Variants in FASTKD2 observed in about 807,000 individuals in gnomAD.
FASTKD2 encodes FAST kinase domains 2, also known as FAST kinase domain-containing protein 2, mitochondrial.
A neutral mutation model predicts 63.6 loss-of-function variants in FASTKD2; 51 were observed. The observed-to-expected ratio is 0.80, with a 90% CI of 0.64 to 1.01. FASTKD2 has a LOEUF of 1.01. Among genes scored for constraint, FASTKD2 ranks in the 50% least tolerant of loss-of-function variants. The pLI is 0.00. For missense variants in FASTKD2, 786 were observed against 831.1 expected (o/e 0.95, Z 0.67); for synonymous variants, 284 against 293.4 (o/e 0.97, Z 0.33).
intron 7 of FASTKD2, among the ~76,000 whole-genome samples, chr2:206,775,292 G>C (rs1251683775): frequency 1.3e-5 from 2 of 150,552 alleles, no homozygotes; most frequent in South Asian, 4.2e-4. Context: ...ATCATACAGG[G>C]ATTCTGCTTT....
intron 7 of FASTKD2, among the ~76,000 whole-genome samples, chr2:206,785,084 G>T (rs1330733826): frequency 6.6e-6 from 1 of 152,156 alleles, no homozygotes; most frequent in Non-Finnish European, 1.5e-5. Context: ...ATCTCACAGG[G>T]CAGCAGACAA....
rs1690357183 is a variant in FASTKD2 at position 206,793,594 on chromosome 2, C to T, written c.*1792C>T. 6.6e-6 allele frequency among the ~76,000 whole-genome samples: 1 copy of T among 152,160 alleles called. No homozygotes were observed. The highest frequency in any genetic ancestry group is 1.5e-5 in the Non-Finnish European group (1 of 68,034). On this transcript the variant is annotated 3_prime_UTR_variant, in exon 12 of 12. Transcript: ENST00000402774. ...TGCAGATATTCTGTTATTAAAGGAA[C>T]TAAGGTTTTGTCTTTAAATGTTGAG... is the stretch of plus-strand genomic sequence containing the variant.
In FASTKD2 at chr2:206,792,780, G is replaced by A. The variant is rs990544746; in HGVS notation, c.*978G>A. ...ATTCATTTGTGTGCTGCCTTTTCAT[G>A]ATCTGAACCCTTTGAGGTGTAGCTG... On this transcript the variant is annotated 3_prime_UTR_variant, in exon 12 of 12. Coordinates refer to ENST00000402774, the MANE Select transcript of FASTKD2 (RefSeq NM_001136193.2). Among the ~76,000 whole-genome samples, 1 of 152,102 alleles carries A rather than the reference G, an allele frequency of 6.6e-6. No individual in the cohort carries two copies. The highest frequency in any genetic ancestry group is 2.4e-5 in the African/African-American group (1 of 41,404).
rs1023185057 is a variant in FASTKD2 at position 206,786,798 on chromosome 2, T to C, written c.1493T>C (p.Leu498Ser). Reference sequence around the variant, plus strand: ...CTTCACACTATTTCTTCTGAAAACTTATTGGATGCAGTATATTCATTTTGC... The same window carrying C: ...CTTCACACTATTTCTTCTGAAAACTCATTGGATGCAGTATATTCATTTTGC... ...GYLHTISSEN[L>S]LDAVYSFCLM... The change falls in exon 8 of 12, where the codon TTA (leucine) becomes TCA (serine). Residue 498 changes from leucine (L) to serine (S), a missense_variant. Leu to Ser is a moderately radical substitution (Grantham distance 145). Coordinates refer to ENST00000402774, the MANE Select transcript of FASTKD2 (RefSeq NM_001136193.2). 2 of 1,613,452 alleles carry C rather than the reference T, an allele frequency of 1.2e-6. No individual in the cohort carries two copies. The highest frequency in any genetic ancestry group is 1.7e-6 in the Non-Finnish European group (2 of 1,179,494).
At chr2:206,779,935 G>C (rs1230448330) in intron 7 of FASTKD2, among the ~76,000 whole-genome samples, 1 of 151,904 alleles carries the variant, frequency 6.6e-6, no homozygotes, top group Admixed American at 6.6e-5. Flanking sequence ...GGTTACCATG[G>C]GTCTTACATA....
In FASTKD2 at chr2:206,793,539, TG is replaced by T. The variant is rs1690355788; in HGVS notation, c.*1738del. 6.6e-6 allele frequency among the ~76,000 whole-genome samples: 1 copy of T among 152,146 alleles called. No individual in the cohort carries two copies. Among genetic ancestry groups the T allele is most frequent in the South Asian group, 2.1e-4 (1 of 4,830 alleles). ...CTCTAGTTTTGTATACTTGGCCAAG[TG>T]ATTTAACCTTATAAGCTTCAGAACA... On this transcript the variant is annotated 3_prime_UTR_variant, in exon 12 of 12. Transcript: ENST00000402774.
intron 2 of FASTKD2, 33 bp from the exon 3 acceptor site, chr2:206,770,058 A>G (rs770907861): frequency 2.2e-6 from 3 of 1,342,952 alleles, no homozygotes; most frequent in African/African-American, 2.9e-5. Flanking sequence ...TGGGCTCATC[A>G]CCTGTAGTGT....
chr2:206,786,962 A>G (rs1574674382), intron 8 of FASTKD2, 63 bp downstream of exon 8: 4 of 996,040 alleles, frequency 4.0e-6, no homozygotes, highest in Admixed American at 4.0e-5. Flanking sequence ...ACTAGCTACC[A>G]TATGACTCTG....
At chr2:206,775,021 T>G (rs1689785334) in intron 7 of FASTKD2, among the ~76,000 whole-genome samples, 1 of 152,072 alleles carries the variant, frequency 6.6e-6, no homozygotes, top group African/African-American at 2.4e-5. Context: ...TATGACTAGC[T>G]TATTTCAGTT....
intron 7 of FASTKD2, among the ~76,000 whole-genome samples, chr2:206,776,192 G>C (rs866963347): frequency 1.3e-5 from 2 of 151,296 alleles, no homozygotes; most frequent in African/African-American, 4.8e-5. Context: ...AAAACTTAAA[G>C]CATTAAGTTT....
intron 7 of FASTKD2, among the ~76,000 whole-genome samples, chr2:206,784,411 C>T (rs1205028414): frequency 6.6e-6 from 1 of 152,194 alleles, no homozygotes; most frequent in East Asian, 1.9e-4. Context: ...GGAATTCTGG[C>T]TTATTGTATA....
chr2:206,786,734 C>A lies in FASTKD2; in HGVS notation c.1429C>A (p.Gln477Lys). ...AACTGACTTTTCTTTGTTCCCCAGA[C>A]AGTTCGTGGAAGTTATGGCTAGTGC... is the stretch of plus-strand genomic sequence containing the variant. Reference protein sequence around the residue: ...NHVYKCQNKEQFVEVMASALT... With the variant: ...NHVYKCQNKEKFVEVMASALT... The change falls in exon 8 of 12, where the codon CAG (glutamine) becomes AAG (lysine). Residue 477 changes from glutamine to lysine, a missense_variant and splice_region_variant. By Grantham distance (53) the Gln-to-Lys change is moderately conservative (BLOSUM62 1). Transcript: ENST00000402774. The A allele has an allele frequency of 1.2e-6, 2 of 1,613,646 alleles. No individual in the cohort carries two copies. The highest frequency in any genetic ancestry group is 1.7e-6 in the Non-Finnish European group (2 of 1,179,548).
At chr2:206,790,787 A>G (rs1690264227) in intron 11 of FASTKD2, 101 bp downstream of exon 11, 1 of 777,394 alleles carries the variant, frequency 1.3e-6, no homozygotes, top group Non-Finnish European at 2.3e-6. Flanking sequence ...GACTAGAGGA[A>G]TTGTCAGCAT....
In FASTKD2 at chr2:206,777,479, G is replaced by T. The variant is rs565058831; in HGVS notation, c.1427+3082G>T. ...GTTAATGTGGTGTATCTCATTAATT[G>T]ACTTGCATATACTGAACCGTCTTTG... On this transcript the variant is annotated intron_variant, in intron 7 of 11. Coordinates refer to ENST00000402774, the MANE Select transcript of FASTKD2 (RefSeq NM_001136193.2). 6.6e-5 allele frequency among the ~76,000 whole-genome samples: 10 copies of T among 152,154 alleles called. 1 individual carries two copies. In the East Asian group the frequency reaches 1.9e-3, roughly 29 times the overall value.
intron 11 of FASTKD2, 63 bp downstream of exon 11, chr2:206,790,749 GA>G: frequency 1.0e-6 from 1 of 987,766 alleles, no homozygotes; most frequent in Non-Finnish European, 1.6e-6. Context: ...CAGCTGCCAG[GA>G]ATCTTGTGGT....
chr2:206,774,484 G>T, intron 7 of FASTKD2, 87 bp downstream of exon 7: 1 of 851,812 alleles, frequency 1.2e-6, no homozygotes, highest in Admixed American at 1.9e-5. Context: ...ATTATTACAA[G>T]TGAACACACC....
At position 206,780,766 on chromosome 2, in the gene FASTKD2, TGTAA is replaced by T. The variant is rs537852992; in HGVS notation, c.1428-5964_1428-5961del. Among the ~76,000 whole-genome samples, 186 of 152,318 alleles carry T rather than the reference TGTAA, an allele frequency of 1.2e-3. 1 individual carries two copies. The highest frequency in any genetic ancestry group is 4.0e-3 in the African/African-American group (166 of 41,576). On this transcript the variant is annotated intron_variant, in intron 7 of 11. Coordinates refer to ENST00000402774, the MANE Select transcript of FASTKD2 (RefSeq NM_001136193.2). ...CACATTGGTTTGCTTGTTGGTGTAC[TGTAA>T]GTGTCTTAGGCTTTCTTAACTCTTC...
intron 7 of FASTKD2, among the ~76,000 whole-genome samples, chr2:206,782,929 A>G (rs1690031308): frequency 6.6e-6 from 1 of 152,128 alleles, no homozygotes; most frequent in African/African-American, 2.4e-5. Context: ...CCTTGGGGGA[A>G]CAAACTAGGG....
intron 7 of FASTKD2, among the ~76,000 whole-genome samples, chr2:206,784,316 A>G (rs1363890162): frequency 6.6e-6 from 1 of 152,240 alleles, no homozygotes; most frequent in Non-Finnish European, 1.5e-5. Flanking sequence ...ACTTATCTGG[A>G]GTAGCAAAGG....
Sources: allele counts gnomAD v4.1 joint callset (sites outside exome capture counted in the v4.1 genomes callset), GRCh38; gene constraint gnomAD v4.1.1; transcripts MANE v1.5; gene names NCBI Gene and HGNC (gene_info 2026-07-23, HGNC 2026-07-21).